Variants in PHTF2 observed in about 807,000 individuals in gnomAD.
PHTF2 encodes protein PHTF2.
Under a neutral mutation model 101.2 loss-of-function variants are expected in PHTF2, and 60 were observed. That is an observed-to-expected ratio of 0.59 (90% CI 0.48 to 0.73). PHTF2 has a LOEUF of 0.73. Among genes scored for constraint, PHTF2 ranks in the 30% least tolerant of loss-of-function variants. PHTF2 has a pLI of 0.00. For missense variants in PHTF2, 747 were observed against 908.7 expected, an observed-to-expected ratio of 0.82 and a Z score of 2.29; for synonymous variants, 311 against 307.3, an observed-to-expected ratio of 1.01 and a Z score of -0.13.
intron 9 of PHTF2, among the ~76,000 whole-genome samples, chr7:77,919,795 G>A (rs535725203): frequency 1.1e-3 from 167 of 151,686 alleles, no homozygotes; most frequent in Middle Eastern, 3.4e-3. Context: ...TAAAATTTTC[G>A]TTTTTTTATA....
At chr7:77,878,476 G>A (rs919366160) in intron 3 of PHTF2, among the ~76,000 whole-genome samples, 1 of 152,096 alleles carries the variant, frequency 6.6e-6, no homozygotes, top group Non-Finnish European at 1.5e-5. Flanking sequence ...GAGCAACTGG[G>A]GAGGTTATGA....
intron 1 of PHTF2, among the ~76,000 whole-genome samples, chr7:77,823,625 A>AT (rs1794480346): frequency 6.6e-6 from 1 of 152,248 alleles, no homozygotes; most frequent in Non-Finnish European, 1.5e-5. Context: ...TTTCAAATAG[A>AT]TCAGAACAAG....
At chr7:77,849,357 G>A (rs1027135086) in intron 2 of PHTF2, among the ~76,000 whole-genome samples, 2 of 151,524 alleles carry the variant, frequency 1.3e-5, no homozygotes, top group Non-Finnish European at 2.9e-5. Flanking sequence ...GGCCAGGCTG[G>A]TCTTGAACTG....
At chr7:77,952,368 G>A in intron 18 of PHTF2, among the ~76,000 whole-genome samples, 1 of 152,096 alleles carries the variant, frequency 6.6e-6, no homozygotes, top group Non-Finnish European at 1.5e-5. Context: ...GTGTTTCAGT[G>A]TTATAGTTAA....
chr7:77,853,922 C>G (rs999879861), intron 2 of PHTF2, among the ~76,000 whole-genome samples: 1 of 152,084 alleles, frequency 6.6e-6, no homozygotes, highest in Non-Finnish European at 1.5e-5. Flanking sequence ...ACCTTTGTTA[C>G]TCGGGAATTG....
At chr7:77,946,663 C>T (rs1023827093) in intron 16 of PHTF2, among the ~76,000 whole-genome samples, 1 of 152,124 alleles carries the variant, frequency 6.6e-6, no homozygotes, top group Non-Finnish European at 1.5e-5. Context: ...TAGACTTTTG[C>T]CTGACACATA....
chr7:77,847,571 C>A (rs990151653), intron 2 of PHTF2, among the ~76,000 whole-genome samples: 1 of 152,104 alleles, frequency 6.6e-6, no homozygotes, highest in Non-Finnish European at 1.5e-5. Context: ...ATTTTTAAAT[C>A]TATGTTCATG....
At chr7:77,897,404 TAA>T (rs910855741) in intron 5 of PHTF2, among the ~76,000 whole-genome samples, 2 of 150,832 alleles carry the variant, frequency 1.3e-5, no homozygotes, top group African/African-American at 4.9e-5. Flanking sequence ...GAACATACTA[TAA>T]GAGTTTAAAT....
At chr7:77,799,867 A>G (rs1792392454) in intron 1 of PHTF2, among the ~76,000 whole-genome samples, 1 of 152,224 alleles carries the variant, frequency 6.6e-6, no homozygotes. Flanking sequence ...CATGGTGAAT[A>G]TTAAATATTT....
At chr7:77,852,172 TG>T (rs1796818982) in intron 2 of PHTF2, among the ~76,000 whole-genome samples, 1 of 152,116 alleles carries the variant, frequency 6.6e-6, no homozygotes, top group Non-Finnish European at 1.5e-5. Context: ...ACCACAGGCA[TG>T]TGCCACCCAC....
intron 3 of PHTF2, among the ~76,000 whole-genome samples, chr7:77,893,067 A>T (rs1800574371): frequency 6.6e-6 from 1 of 152,130 alleles, no homozygotes; most frequent in Admixed American, 6.5e-5. Flanking sequence ...GGTTTTCAAC[A>T]TCAGAATCAT....
intron 3 of PHTF2, among the ~76,000 whole-genome samples, chr7:77,859,564 CTTTTTT>C (rs34014317): frequency 7.6e-6 from 1 of 131,630 alleles, no homozygotes; most frequent in Admixed American, 7.6e-5. Flanking sequence ...TTTCTTTCTT[CTTTTTT>C]TTTTTTTTTT....
chr7:77,849,330 A>G (rs577025368), intron 2 of PHTF2, among the ~76,000 whole-genome samples: 1 of 151,616 alleles, frequency 6.6e-6, no homozygotes, highest in African/African-American at 2.4e-5. Flanking sequence ...TTTAGTAGAG[A>G]CGGGGTTTCA....
At chr7:77,844,882 A>T (rs1035514424) in intron 2 of PHTF2, among the ~76,000 whole-genome samples, 45 of 152,242 alleles carry the variant, frequency 3.0e-4, no homozygotes, top group Admixed American at 2.9e-3. Context: ...TTTAATATCC[A>T]ATTTTAAACT....
chr7:77,865,066 A>G (rs1797943800), intron 3 of PHTF2, among the ~76,000 whole-genome samples: 1 of 152,116 alleles, frequency 6.6e-6, no homozygotes, highest in Non-Finnish European at 1.5e-5. Flanking sequence ...CACTGAGGAA[A>G]AAAATTTGAA....
At position 77,946,892 on chromosome 7, in the gene PHTF2, T is replaced by G. The variant is rs183832874; in HGVS notation, c.1960-2786T>G. On this transcript the variant is annotated intron_variant, in intron 16 of 19. Transcript: ENST00000416283. ...ATCTTAGCACTTTGGAAGGCCAAGG[T>G]GGATGGATCCCTTGAGCCCAGGAGT... is the stretch of plus-strand genomic sequence containing the variant. 3.4e-3 allele frequency among the ~76,000 whole-genome samples: 506 copies of G among 150,392 alleles called. 2 individuals carry two copies. The highest frequency in any genetic ancestry group is 0.012 in the African/African-American group (476 of 40,882).
intron 11 of PHTF2, among the ~76,000 whole-genome samples, chr7:77,927,329 C>T (rs1327864499): frequency 6.6e-6 from 1 of 151,942 alleles, no homozygotes; most frequent in East Asian, 1.9e-4. Context: ...GGCTTGGTGG[C>T]TCACGCCTGT....
chr7:77,951,532 C>G, intron 17 of PHTF2, 85 bp from the exon 17 acceptor site: 2 of 604,092 alleles, frequency 3.3e-6, no homozygotes, highest in Admixed American at 3.6e-5. Flanking sequence ...ATCTCAATAA[C>G]CAGATACTTG....
intron 16 of PHTF2, among the ~76,000 whole-genome samples, chr7:77,947,322 G>T (rs190696228): frequency 3.3e-5 from 5 of 151,922 alleles, no homozygotes; most frequent in African/African-American, 7.3e-5. Context: ...AGCACTTTGG[G>T]AGGCCTACGT....
Sources: gnomAD v4.1 joint callset for allele counts (sites outside exome capture counted in the v4.1 genomes callset) on GRCh38, gnomAD v4.1.1 for gene constraint, MANE v1.5 for transcripts, NCBI Gene and HGNC (gene_info 2026-07-23, HGNC 2026-07-21) for gene names.